Variants in ODAD2 observed in about 807,000 individuals in gnomAD.
ODAD2 encodes outer dynein arm-docking complex subunit 2.
A neutral mutation model predicts 106.8 loss-of-function variants in ODAD2; 89 were observed. The ratio of observed to expected loss-of-function variants is 0.83; its 90% CI spans 0.70 to 0.99. The LOEUF (loss-of-function observed/expected upper bound fraction) is 0.99. ODAD2 is among the 50% of genes least tolerant of loss of function. The pLI is 0.00. For missense variants in ODAD2, 1,168 were observed against 1,238.5 expected (o/e 0.94, Z 0.85); for synonymous variants, 404 against 436.2 (o/e 0.93, Z 0.92).
chr10:27,884,809 G>C lies in ODAD2; in HGVS notation c.2611-22187C>G, dbSNP rs186384712. On this transcript the variant is annotated intron_variant, in intron 17 of 19. Coordinates refer to ENST00000305242, the MANE Select transcript of ODAD2 (RefSeq NM_018076.5). ...AATTAAGGCATTTAAGAACAGCCAT[G>C]TATATGGGGGAAAAAAATTAAAAGC... is the stretch of plus-strand genomic sequence containing the variant. Among the ~76,000 whole-genome samples the C allele has an allele frequency of 1.4e-4, 22 of 152,276 alleles. 1 individual carries two copies. Among genetic ancestry groups the C allele is most frequent in the Admixed American group, 1.4e-3 (21 of 15,284 alleles).
intron 16 of ODAD2, among the ~76,000 whole-genome samples, chr10:27,923,987 A>AG (rs1261623150): frequency 1.4e-5 from 2 of 139,796 alleles, no homozygotes; most frequent in African/African-American, 5.5e-5. Context: ...AGAAAGAAAG[A>AG]AAGAAAGAAA....
intron 10 of ODAD2, among the ~76,000 whole-genome samples, chr10:27,949,845 C>T (rs1051680668): frequency 6.6e-6 from 1 of 152,130 alleles, no homozygotes; most frequent in Non-Finnish European, 1.5e-5. Context: ...TGACTCATCA[C>T]GAACCATAAA....
At chr10:27,996,373 T>G (rs1406689266) in intron 1 of ODAD2, among the ~76,000 whole-genome samples, 1 of 152,214 alleles carries the variant, frequency 6.6e-6, no homozygotes, top group Non-Finnish European at 1.5e-5. Flanking sequence ...AGGAGATCAC[T>G]GGATGGCAAC....
chr10:27,820,405 T>A (rs921815798), intron 19 of ODAD2, among the ~76,000 whole-genome samples: 12 of 151,608 alleles, frequency 7.9e-5, no homozygotes, highest in African/African-American at 2.9e-4. Flanking sequence ...TCCCACTGCA[T>A]AAACCAATGG....
intron 19 of ODAD2, among the ~76,000 whole-genome samples, chr10:27,820,646 A>G: frequency 6.6e-6 from 1 of 152,130 alleles, no homozygotes; most frequent in Non-Finnish European, 1.5e-5. Flanking sequence ...GAGTGTACCA[A>G]GAGGATTACT....
At chr10:27,934,985 T>A in intron 16 of ODAD2, 25 bp downstream of exon 16, 1 of 1,613,086 alleles carries the variant, frequency 6.2e-7, no homozygotes, top group Non-Finnish European at 8.5e-7. Flanking sequence ...TTATATAAAA[T>A]CTTTCCATCT....
chr10:27,973,945 C>T (rs1242468836), intron 7 of ODAD2, among the ~76,000 whole-genome samples: 1 of 152,056 alleles, frequency 6.6e-6, no homozygotes, highest in Non-Finnish European at 1.5e-5. Flanking sequence ...CCAGCATTTG[C>T]TATATTTTGA....
intron 12 of ODAD2, 53 bp downstream of exon 12, chr10:27,944,169 G>T: frequency 6.8e-7 from 1 of 1,477,624 alleles, no homozygotes; most frequent in Non-Finnish European, 9.3e-7. Context: ...GCAAGGAGCT[G>T]TGTGCAGTGG....
intron 1 of ODAD2, among the ~76,000 whole-genome samples, chr10:27,998,040 T>C (rs1850659100): frequency 6.6e-6 from 1 of 152,236 alleles, no homozygotes; most frequent in Non-Finnish European, 1.5e-5. Context: ...TAAAGGTCAA[T>C]TTCAAGCTTC....
chr10:27,832,247 T>A (rs567696185), intron 19 of ODAD2, among the ~76,000 whole-genome samples: 7 of 152,364 alleles, frequency 4.6e-5, no homozygotes, highest in Non-Finnish European at 1.0e-4. Flanking sequence ...ATGAAACTTA[T>A]TAATCACTCT....
intron 17 of ODAD2, among the ~76,000 whole-genome samples, chr10:27,905,862 T>G (rs555286561): frequency 2.6e-5 from 4 of 152,166 alleles, no homozygotes; most frequent in African/African-American, 9.6e-5. Flanking sequence ...ATACAAAAAT[T>G]AACTCAAGAT....
At chr10:27,893,402 T>C (rs1016623522) in intron 17 of ODAD2, among the ~76,000 whole-genome samples, 3 of 152,204 alleles carry the variant, frequency 2.0e-5, no homozygotes, top group Non-Finnish European at 4.4e-5. Context: ...TTAGGTTTCA[T>C]GACGCCTGAC....
At chr10:27,924,485 T>A in intron 16 of ODAD2, among the ~76,000 whole-genome samples, 1 of 145,462 alleles carries the variant, frequency 6.9e-6, no homozygotes, top group Non-Finnish European at 1.5e-5. Context: ...GAGACCAAAA[T>A]GAATAAAGAT....
At chr10:27,826,993 A>T (rs1441483961) in intron 19 of ODAD2, among the ~76,000 whole-genome samples, 3 of 151,960 alleles carry the variant, frequency 2.0e-5, no homozygotes, top group Non-Finnish European at 4.4e-5. Context: ...TTCTTATTCA[A>T]GGCCATTCGT....
intron 19 of ODAD2, among the ~76,000 whole-genome samples, chr10:27,831,467 T>A (rs546589850): frequency 1.9e-4 from 29 of 152,326 alleles, no homozygotes; most frequent in African/African-American, 6.5e-4. Context: ...AAGTGCCTTA[T>A]AAGATACTGA....
intron 19 of ODAD2, among the ~76,000 whole-genome samples, chr10:27,857,653 T>C (rs997087905): frequency 1.3e-5 from 2 of 152,218 alleles, no homozygotes; most frequent in African/African-American, 2.4e-5. Context: ...CATTAGAAAC[T>C]GAACTCATTA....
At chr10:27,981,610 T>C (rs755820365) in intron 6 of ODAD2, 28 bp from the exon 7 acceptor site, 2 of 1,415,654 alleles carry the variant, frequency 1.4e-6, no homozygotes, top group South Asian at 1.4e-5. Flanking sequence ...TTTCATTCTA[T>C]GATTAACATA....
At chr10:27,932,419 C>G (rs189388160) in intron 16 of ODAD2, among the ~76,000 whole-genome samples, 1 of 151,976 alleles carries the variant, frequency 6.6e-6, no homozygotes, top group African/African-American at 2.4e-5. Flanking sequence ...CTAAGTTGAA[C>G]GATCATAAGT....
intron 16 of ODAD2, among the ~76,000 whole-genome samples, chr10:27,930,434 A>G (rs1039523463): frequency 6.6e-6 from 1 of 152,038 alleles, no homozygotes; most frequent in Non-Finnish European, 1.5e-5. Context: ...GGATTGCTTG[A>G]GCCCAAGCAT....
Sources: gnomAD v4.1 joint callset for allele counts (sites outside exome capture counted in the v4.1 genomes callset) on GRCh38, gnomAD v4.1.1 for gene constraint, MANE v1.5 for transcripts, NCBI Gene and HGNC (gene_info 2026-07-23, HGNC 2026-07-21) for gene names.